Variants in IQCJ observed in about 807,000 individuals in gnomAD.
IQCJ encodes the protein IQ domain-containing protein J.
IQCJ carries 9 observed loss-of-function variants against 11.0 expected under a neutral mutation model. The observed-to-expected ratio is 0.82, with a 90% CI of 0.49 to 1.43. The LOEUF is 1.43. Among genes scored for constraint, IQCJ ranks in the 40% most tolerant of loss-of-function variants. IQCJ has a pLI of 0.00. For synonymous variants in IQCJ, 55 were observed against 51.3 expected, an observed-to-expected ratio of 1.07 and a Z score of -0.31; for missense variants, 146 against 133.2, an observed-to-expected ratio of 1.10 and a Z score of -0.47.
chr3:159,141,704 AT>A (rs777990795), intron 1 of IQCJ, among the ~76,000 whole-genome samples: 5 of 152,328 alleles, frequency 3.3e-5, no homozygotes, highest in Admixed American at 3.3e-4. Context: ...TAGATGTATG[AT>A]TTTGATAAGT....
At chr3:159,092,553 C>A (rs1304056963) in intron 1 of IQCJ, among the ~76,000 whole-genome samples, 1 of 151,606 alleles carries the variant, frequency 6.6e-6, no homozygotes. Context: ...AAAAAATTAG[C>A]CAGGCGTGGT....
chr3:159,154,893 T>C (rs1271297816), intron 1 of IQCJ, among the ~76,000 whole-genome samples: 1 of 152,148 alleles, frequency 6.6e-6, no homozygotes. Flanking sequence ...CTCTTGTTCC[T>C]GCCTCTCCTT....
In IQCJ at chr3:159,110,039, T is replaced by G. The variant is rs141487700; in HGVS notation, c.9+40598T>G. Among the ~76,000 whole-genome samples, 588 of 152,226 alleles carry G rather than the reference T, an allele frequency of 3.9e-3. 6 individuals are homozygous for G. The highest frequency in any genetic ancestry group is 0.012 in the African/African-American group (517 of 41,548). ...GTAGTATTTTAGCAATCAGATGTGT[T>G]TTTTCTCTCTGCCTTCAACTTCATG... On this transcript the variant is annotated intron_variant, in intron 1 of 3. Transcript: ENST00000397832.
intron 1 of IQCJ, among the ~76,000 whole-genome samples, chr3:159,087,024 T>TG (rs1438129363): frequency 6.6e-6 from 1 of 152,352 alleles, no homozygotes; most frequent in South Asian, 2.1e-4. Context: ...TTCCAGGTTT[T>TG]GCCCATTCAG....
chr3:159,255,534 G>A (rs970547211), intron 3 of IQCJ, among the ~76,000 whole-genome samples: 2 of 152,190 alleles, frequency 1.3e-5, no homozygotes, highest in East Asian at 1.9e-4. Flanking sequence ...ATAAGAAAGT[G>A]TAAACCTGCG....
rs74493958 is a variant in IQCJ at position 159,244,197 on chromosome 3, T to A, written c.10-1646T>A. On this transcript the variant is annotated intron_variant, in intron 1 of 3. Coordinates refer to ENST00000397832, the MANE Select transcript of IQCJ (RefSeq NM_001042706.3). The stretch of plus-strand genomic sequence containing the variant: ...CATATTCGAGTAGAAGAGTGAAGTT[T>A]AGAGAAGAGATCAGATACAAATGTA... 2.3e-3 allele frequency among the ~76,000 whole-genome samples: 349 copies of A among 152,282 alleles called. 1 individual carries two copies. The highest frequency in any genetic ancestry group is 8.2e-3 in the African/African-American group (339 of 41,566).
At chr3:159,069,870 TGTGTGTG>T (rs1559972096) in intron 1 of IQCJ, 1 of 368,284 alleles carries the variant, frequency 2.7e-6, no homozygotes, top group Non-Finnish European at 5.5e-6. Context: ...TGTGTGTGTG[TGTGTGTG>T]TGTGTGTGTG....
In IQCJ at chr3:159,139,144, AT is replaced by A. The variant is rs139743602; in HGVS notation, c.9+69713del. Among the ~76,000 whole-genome samples the A allele has an allele frequency of 1.5e-3, 226 of 149,066 alleles. 2 individuals are homozygous for A. The highest frequency in any genetic ancestry group is 7.0e-3 in the Middle Eastern group (2 of 286). On this transcript the variant is annotated intron_variant, in intron 1 of 3. Transcript: ENST00000397832. ...TGAGAGAAAGATGAAATCAAGGACC[AT>A]TTTTTTTTTCTTTCTTGGATTCTGT...
At chr3:159,173,876 T>C (rs1722633043) in intron 1 of IQCJ, among the ~76,000 whole-genome samples, 1 of 152,148 alleles carries the variant, frequency 6.6e-6, no homozygotes, top group African/African-American at 2.4e-5. Context: ...CATTTTTCTC[T>C]AATTCTAAAA....
intron 1 of IQCJ, among the ~76,000 whole-genome samples, chr3:159,093,913 C>T (rs1425772579): frequency 6.6e-6 from 1 of 151,792 alleles, no homozygotes; most frequent in Non-Finnish European, 1.5e-5. Context: ...CAATGAGGTC[C>T]CTCCCCAAAC....
chr3:159,258,445 C>T (rs115408494), intron 3 of IQCJ, among the ~76,000 whole-genome samples: 248 of 152,136 alleles, frequency 1.6e-3, no homozygotes, highest in African/African-American at 5.5e-3. Context: ...TTGGTGGATC[C>T]GCAAAACCAA....
At chr3:159,129,313 CTT>C (rs1719858348) in intron 1 of IQCJ, among the ~76,000 whole-genome samples, 1 of 152,178 alleles carries the variant, frequency 6.6e-6, no homozygotes, top group East Asian at 1.9e-4. Flanking sequence ...ATTTCTGTCT[CTT>C]GTTTTCACTT....
intron 1 of IQCJ, among the ~76,000 whole-genome samples, chr3:159,142,953 T>C (rs1448620202): frequency 6.6e-6 from 1 of 152,222 alleles, no homozygotes; most frequent in Non-Finnish European, 1.5e-5. Context: ...TAGGTCTTGA[T>C]AATTTAAATG....
intron 1 of IQCJ, among the ~76,000 whole-genome samples, chr3:159,104,845 G>A (rs1049104136): frequency 6.6e-5 from 10 of 152,168 alleles, no homozygotes; most frequent in African/African-American, 2.4e-4. Context: ...TTAACCGTCT[G>A]TTCTGTGCTT....
At chr3:159,106,739 C>T (rs1224605942) in intron 1 of IQCJ, among the ~76,000 whole-genome samples, 1 of 152,054 alleles carries the variant, frequency 6.6e-6, no homozygotes, top group East Asian at 1.9e-4. Flanking sequence ...ATAAGACTGC[C>T]CCCATTTTAG....
intron 1 of IQCJ, among the ~76,000 whole-genome samples, chr3:159,169,475 C>T (rs998163030): frequency 6.6e-6 from 1 of 151,098 alleles, no homozygotes; most frequent in Non-Finnish European, 1.5e-5. Flanking sequence ...TTAGTAGAGG[C>T]GGGGTGGTTT....
chr3:159,154,667 G>T (rs1721416783), intron 1 of IQCJ, among the ~76,000 whole-genome samples: 1 of 152,104 alleles, frequency 6.6e-6, no homozygotes, highest in Non-Finnish European at 1.5e-5. Flanking sequence ...CAAACTCAAA[G>T]AAGTCCTTTC....
chr3:159,088,796 T>G (rs929309862), intron 1 of IQCJ, among the ~76,000 whole-genome samples: 2 of 152,126 alleles, frequency 1.3e-5, no homozygotes, highest in African/African-American at 4.8e-5. Flanking sequence ...ATCCTTTTAT[T>G]TTGAGCCTAT....
At chr3:159,151,723 C>T (rs751288183) in intron 1 of IQCJ, among the ~76,000 whole-genome samples, 2 of 152,230 alleles carry the variant, frequency 1.3e-5, no homozygotes, top group Non-Finnish European at 1.5e-5. Flanking sequence ...GCAAGCTCCA[C>T]CTCCCAGGTT....
Sources: allele counts gnomAD v4.1 joint callset (sites outside exome capture counted in the v4.1 genomes callset), GRCh38; gene constraint gnomAD v4.1.1; transcripts MANE v1.5; gene names NCBI Gene and HGNC (gene_info 2026-07-23, HGNC 2026-07-21).